The following PLXNA3 variants were observed in gnomAD, a reference collection of about 807,000 sequenced individuals.
PLXNA3 encodes plexin-A3.
Under a neutral mutation model 118.8 loss-of-function variants are expected in PLXNA3, and 52 were observed. The ratio of observed to expected loss-of-function variants is 0.44; its 90% CI spans 0.35 to 0.55. The LOEUF is 0.55. PLXNA3 is among the 20% of genes least tolerant of loss of function. The pLI, the probability that PLXNA3 is intolerant of heterozygous loss-of-function variation, is 0.01. For synonymous variants in PLXNA3, 925 were observed against 762.4 expected (o/e 1.21, Z -3.51); for missense variants, 1,660 against 1,730.8 (o/e 0.96, Z 0.73).
intron 3 of PLXNA3, 25 bp downstream of exon 3, chrX:154,461,663 G>T: frequency 1.7e-6 from 2 of 1,154,912 alleles, no homozygotes; most frequent in Non-Finnish European, 2.3e-6. Context: ...ACCCCACACT[G>T]GTCCTCTGCC....
At chrX:154,467,729 G>A in intron 20 of PLXNA3, 38 bp from the exon 21 acceptor site, 5 of 1,201,606 alleles carry the variant, frequency 4.2e-6, no homozygotes, top group Non-Finnish European at 5.6e-6. Context: ...GCCCAGGGTG[G>A]GCGTGGTGGT....
At chrX:154,463,928 G>A (rs781863151) in intron 6 of PLXNA3, 23 bp from the exon 7 acceptor site, 55 of 1,154,516 alleles carry the variant, frequency 4.8e-5, no homozygotes, top group Middle Eastern at 3.2e-4. Context: ...TGGCGGGACC[G>A]GCTCTGGCCC....
At chrX:154,459,441 C>G (rs932928388) in intron 1 of PLXNA3, among the ~76,000 whole-genome samples, 1 of 112,409 alleles carries the variant, frequency 8.9e-6, no homozygotes, top group Non-Finnish European at 1.9e-5. Context: ...GCAGGTAGGG[C>G]CCCCTGTACA....
chrX:154,466,636 G>A lies in PLXNA3; in HGVS notation c.2950G>A (p.Ala984Thr), dbSNP rs782718573. Residue 984 changes from alanine to threonine, a missense_variant, in exon 17 of 33, where the codon GCG becomes ACG. Physicochemically the swap from Ala to Thr is moderately conservative, Grantham distance 58. Transcript: ENST00000369682. Reference protein sequence around the residue: ...ECQFVRRDAKAIVCISPLSTL... With the variant: ...ECQFVRRDAKTIVCISPLSTL... The stretch of plus-strand genomic sequence containing the variant: ...TTGCCAATGTAGGAGAGATGCCAAG[G>A]CGATCGTGTGCATCTCACCTCTCTC... The A allele has an allele frequency of 1.7e-6, 2 of 1,202,528 alleles. No individual in the cohort carries two copies. The highest frequency in any genetic ancestry group is 1.1e-6 in the Non-Finnish European group (1 of 891,163).
At chrX:154,471,734 G>C in intron 32 of PLXNA3, 96 bp downstream of exon 32, 1 of 845,126 alleles carries the variant, frequency 1.2e-6, no homozygotes, top group Non-Finnish European at 1.7e-6. Context: ...GATTGTTCAC[G>C]GTCTCTCCCC....
intron 3 of PLXNA3, among the ~76,000 whole-genome samples, chrX:154,461,918 G>T (rs1327458802): frequency 2.7e-5 from 3 of 111,994 alleles, no homozygotes; most frequent in Non-Finnish European, 5.7e-5. Context: ...GAGTCTTGTG[G>T]GCCCAGGCTT....
At chrX:154,462,011 C>T in intron 3 of PLXNA3, 117 bp from the exon 4 acceptor site, 1 of 614,309 alleles carries the variant, frequency 1.6e-6, no homozygotes, top group Non-Finnish European at 2.5e-6. Context: ...AGCAGTCAGT[C>T]CTGGCTGGAG....
chrX:154,472,252 C>T (rs1391289263), intron 32 of PLXNA3, among the ~76,000 whole-genome samples: 4 of 111,094 alleles, frequency 3.6e-5, no homozygotes, highest in Non-Finnish European at 5.7e-5. Flanking sequence ...TGGTGACCTG[C>T]AGAACACTCA....
rs1557209548 is a variant in PLXNA3, at chrX:154,471,566, C to A, written c.5448C>A (p.Leu1816=). The change falls in exon 32 of 33, where the codon CTC becomes CTA. Residue 1816 remains leucine (L), a synonymous_variant. Coordinates refer to ENST00000369682, the MANE Select transcript of PLXNA3 (RefSeq NM_017514.5). ...MDAYLVEQSR[L]HASDFSVLSA... Reference sequence around the variant, plus strand: ...CCTACCTGGTGGAGCAGTCCCGCCTCCACGCCAGCGACTTCAGCGTCCTGA... The same window carrying A: ...CCTACCTGGTGGAGCAGTCCCGCCTACACGCCAGCGACTTCAGCGTCCTGA... 8.3e-7 allele frequency: 1 copy of A among 1,210,753 alleles called. No individual in the cohort carries two copies. The highest frequency in any genetic ancestry group is 1.7e-5 in the African/African-American group (1 of 57,969).
At position 154,462,157 on chromosome X, in the gene PLXNA3, G is replaced by A. The variant is rs1429646003; in HGVS notation, c.1164G>A (p.Gly388=). 1 of 1,201,981 alleles carries A rather than the reference G, an allele frequency of 8.3e-7. No individual in the cohort carries two copies. Among genetic ancestry groups the A allele is most frequent in the Admixed American group, 2.2e-5 (1 of 44,845 alleles). Reference sequence around the variant, plus strand: ...TGCAGATCAACGGCAACTTCTGTGGGCTGGTGTTGAACCAGCCTCTGGGAG... The same window carrying A: ...TGCAGATCAACGGCAACTTCTGTGGACTGGTGTTGAACCAGCCTCTGGGAG... ...TPMQINGNFC[G]LVLNQPLGGL... is the part of the protein sequence containing the mutation. Residue 388 remains glycine (G), a synonymous_variant, in exon 4 of 33, where the codon GGG becomes GGA. Coordinates refer to ENST00000369682, the MANE Select transcript of PLXNA3 (RefSeq NM_017514.5).
At position 154,463,573 on chromosome X, in the gene PLXNA3, G is replaced by A. The variant is rs1411603754; in HGVS notation, c.1447-17G>A. The stretch of plus-strand genomic sequence containing the variant: ...GTGGGGCGGGGGTGGGCTGGGTGCT[G>A]ATGTGGCTGTCCCCAGGTGAGCCAG... On this transcript the variant is annotated splice_polypyrimidine_tract_variant and intron_variant, in intron 5 of 32. Coordinates refer to ENST00000369682, the MANE Select transcript of PLXNA3 (RefSeq NM_017514.5). 38 of 1,181,216 alleles carry A rather than the reference G, an allele frequency of 3.2e-5. No individual in the cohort carries two copies. In the Admixed American group the frequency reaches 8.3e-4, roughly 26 times the overall value.
In PLXNA3 at chrX:154,476,679, G is replaced by A. The variant is rs1160643959; in HGVS notation, c.*3994G>A. ...CCTCCATATGGAGTAATAGGGACTG[G>A]ATATGTCATGCCAAATGAAAGAACA... On this transcript the variant is annotated 3_prime_UTR_variant, in exon 33 of 33. Transcript: ENST00000369682. The A allele has an allele frequency of 9.0e-6, 1 of 111,590 alleles. No individual in the cohort carries two copies. Among genetic ancestry groups the A allele is most frequent in the East Asian group, 2.8e-4 (1 of 3,594 alleles). 9.2% of individuals were successfully genotyped at this position (111,590 alleles called of 1,213,427 possible).
chrX:154,467,377 G>A lies in PLXNA3; in HGVS notation c.3347G>A (p.Arg1116His), dbSNP rs782062353. ...DHVQTARSLNRSSFTYYPDPS... is the reference protein window; with the variant it reads ...DHVQTARSLNHSSFTYYPDPS... Reference sequence around the variant, plus strand: ...GTGCAAACGGCCCGCTCCCTCAACCGCTCCTCCTTTACCTACTACCCTGAT... The same window carrying A: ...GTGCAAACGGCCCGCTCCCTCAACCACTCCTCCTTTACCTACTACCCTGAT... The change falls in exon 19 of 33, where the codon CGC (arginine) becomes CAC (histidine). Residue 1116 changes from arginine to histidine, a missense_variant. Physicochemically the swap from Arg to His is conservative, Grantham distance 29. Coordinates refer to ENST00000369682, the MANE Select transcript of PLXNA3 (RefSeq NM_017514.5). The A allele has an allele frequency of 9.2e-6, 11 of 1,202,016 alleles. No individual in the cohort carries two copies. The highest frequency in any genetic ancestry group is 4.4e-5 in the Admixed American group (2 of 45,898).
chrX:154,469,518 C>G (rs372136440), intron 27 of PLXNA3, 36 bp downstream of exon 27: 58 of 1,100,894 alleles, frequency 5.3e-5, no homozygotes, highest in Non-Finnish European at 7.0e-5. Context: ...CCAGGGCCAC[C>G]TGGGAGCCAG....
At position 154,468,906 on chromosome X, in the gene PLXNA3, C is replaced by T. The variant is rs1353194343; in HGVS notation, c.4371C>T (p.Gly1457=). The T allele has an allele frequency of 5.0e-6, 6 of 1,209,768 alleles. No homozygotes were observed. The South Asian group carries it at 7.0e-5, about 14-fold the overall frequency. ...MEKGPIDAIT[G]EARYSLSEDK... is the part of the protein sequence containing the mutation. ...AGGGCCCCATTGATGCCATCACGGG[C>T]GAGGCACGATACTCCCTGAGCGAGG... Residue 1457 remains glycine, a synonymous_variant, in exon 25 of 33, where the codon GGC becomes GGT. Transcript: ENST00000369682.
rs1379383595 is a variant in PLXNA3, at chrX:154,476,159, T to TA, written c.*3480dup. On this transcript the variant is annotated 3_prime_UTR_variant, in exon 33 of 33. Coordinates refer to ENST00000369682, the MANE Select transcript of PLXNA3 (RefSeq NM_017514.5). ...CTGTATCAAAAAAAATAATAATAAT[T>TA]AAAAAACAAAAGATCGGCTGGGCGC... 2 of 110,450 alleles carry TA rather than the reference T, an allele frequency of 1.8e-5. No individual in the cohort carries two copies. The highest frequency in any genetic ancestry group is 3.8e-5 in the Non-Finnish European group (2 of 52,730). 9.1% of individuals were successfully genotyped at this position (110,450 alleles called of 1,213,427 possible).
intron 27 of PLXNA3, 62 bp downstream of exon 27, chrX:154,469,544 TGCA>T (rs2069149864): frequency 9.9e-7 from 1 of 1,010,695 alleles, no homozygotes; most frequent in African/African-American, 1.9e-5. Flanking sequence ...TGCCTTGAGC[TGCA>T]GCAGGACACG....
chrX:154,477,670 C>T lies in PLXNA3; in HGVS notation c.*4985C>T. ...CATTTCCTAAATTGTCTTCAATTTC[C>T]TTGTACTCCTTGAATATCTGAATTC... is the stretch of plus-strand genomic sequence containing the variant. On this transcript the variant is annotated 3_prime_UTR_variant, in exon 33 of 33. Coordinates refer to ENST00000369682, the MANE Select transcript of PLXNA3 (RefSeq NM_017514.5). The T allele has an allele frequency of 3.4e-6, 1 of 293,393 alleles. No individual in the cohort carries two copies. Among genetic ancestry groups the T allele is most frequent in the Non-Finnish European group, 5.9e-6 (1 of 169,596 alleles). 24.2% of individuals were successfully genotyped at this position (293,393 alleles called of 1,213,427 possible). A position where few individuals can be genotyped will look rare whatever the true frequency, so the allele number is the denominator to read the frequency against.
Position 154,466,199 on chromosome X carries a change from C to A in PLXNA3, c.2728C>A (p.Pro910Thr). ...ESLVPSPPPGPVELCVGDCSA... is the reference protein window; with the variant it reads ...ESLVPSPPPGTVELCVGDCSA... The stretch of plus-strand genomic sequence containing the variant: ...GCTGGTGCCCAGCCCGCCGCCGGGG[C>A]CCGTGGAGCTGTGTGTGGGTGACTG... Residue 910 changes from proline (P) to threonine (T), a missense_variant, in exon 15 of 33, where the codon CCC becomes ACC. Pro to Thr is a conservative substitution (Grantham distance 38). Coordinates refer to ENST00000369682, the MANE Select transcript of PLXNA3 (RefSeq NM_017514.5). 8.3e-7 allele frequency: 1 copy of A among 1,209,856 alleles called. No individual in the cohort carries two copies. Among genetic ancestry groups the A allele is most frequent in the African/African-American group, 1.7e-5 (1 of 57,943 alleles).
Sources: gnomAD v4.1 joint callset for allele counts (sites outside exome capture counted in the v4.1 genomes callset) on GRCh38, gnomAD v4.1.1 for gene constraint, MANE v1.5 for transcripts, NCBI Gene and HGNC (gene_info 2026-07-23, HGNC 2026-07-21) for gene names.